MED12L: variants seen among roughly 807,000 people sequenced by gnomAD.
MED12L encodes the protein mediator of RNA polymerase II transcription subunit 12-like protein.
MED12L carries 60 observed loss-of-function variants against 281.3 expected under a neutral mutation model. That is an observed-to-expected ratio of 0.21 (90% CI 0.17 to 0.26). MED12L has a LOEUF of 0.26. MED12L is among the 10% of genes least tolerant of loss of function. The pLI is 1.00. For synonymous variants in MED12L, 974 were observed against 987.2 expected (o/e 0.99, Z 0.25); for missense variants, 2,146 against 2,680.9 (o/e 0.80, Z 4.41).
chr3:151,322,588 C>T (rs940388286), intron 16 of MED12L, among the ~76,000 whole-genome samples: 1 of 152,064 alleles, frequency 6.6e-6, no homozygotes, highest in African/African-American at 2.4e-5. Flanking sequence ...CTGGAGCTCA[C>T]CCCACTTCCA....
intron 16 of MED12L, chr3:151,327,258 G>A (rs184346302): frequency 6.2e-4 from 94 of 152,310 alleles, no homozygotes; most frequent in African/African-American, 2.2e-3. Context: ...TGCTGAGTAG[G>A]TGCCATGTTT....
chr3:151,395,829 A>G (rs1221720784), intron 39 of MED12L, among the ~76,000 whole-genome samples: 1 of 152,234 alleles, frequency 6.6e-6, no homozygotes, highest in East Asian at 1.9e-4. Flanking sequence ...AAGAAATTCA[A>G]ATGCTTTAAA....
chr3:151,275,827 G>C (rs1256863317), intron 16 of MED12L, among the ~76,000 whole-genome samples: 1 of 152,110 alleles, frequency 6.6e-6, no homozygotes, highest in Admixed American at 6.6e-5. Context: ...CATTAAGATA[G>C]GATATTTTTA....
chr3:151,392,467 G>GA (rs200781609), intron 38 of MED12L, among the ~76,000 whole-genome samples: 16,503 of 95,060 alleles, frequency 0.17, 1,367 homozygotes, highest in Middle Eastern at 0.3. Context: ...TCCATCTCAA[G>GA]AAAAAAAAAA....
intron 21 of MED12L, among the ~76,000 whole-genome samples, chr3:151,364,456 T>C (rs1447978697): frequency 6.6e-6 from 1 of 152,204 alleles, no homozygotes; most frequent in East Asian, 1.9e-4. Flanking sequence ...TGTAAGTTCA[T>C]TGAAGACAAG....
intron 16 of MED12L, among the ~76,000 whole-genome samples, chr3:151,246,166 A>C (rs1735411220): frequency 6.6e-6 from 1 of 152,252 alleles, no homozygotes; most frequent in Non-Finnish European, 1.5e-5. Context: ...GGGTAGGAAG[A>C]ATAAATATCG....
intron 16 of MED12L, among the ~76,000 whole-genome samples, chr3:151,233,625 C>T (rs572830995): frequency 5.9e-5 from 9 of 152,080 alleles, no homozygotes; most frequent in Non-Finnish European, 1.0e-4. Flanking sequence ...CCCAGCTACT[C>T]GGGAGGCTGA....
At position 151,156,322 on chromosome 3, in the gene MED12L, A is replaced by G; in HGVS notation, c.718A>G (p.Met240Val). ...WEYNEKLAFH[M>V]FQEGMLEKHE... ...ATACAACGAAAAGCTAGCATTTCAC[A>G]TGTTCCAGGTAACCTTTTGAAGACA... Residue 240 changes from methionine (M) to valine (V), a missense_variant, in exon 6 of 45, where the codon ATG (methionine) becomes GTG (valine). Transcript: ENST00000687756. The G allele has an allele frequency of 6.2e-7, 1 of 1,605,184 alleles. No individual in the cohort carries two copies. The highest frequency in any genetic ancestry group is 1.1e-5 in the South Asian group (1 of 89,190).
chr3:151,247,313 C>T (rs1354802194), intron 16 of MED12L, among the ~76,000 whole-genome samples: 2 of 151,990 alleles, frequency 1.3e-5, no homozygotes, highest in Admixed American at 6.6e-5. Flanking sequence ...CACATGCACA[C>T]GTATGTTTAT....
intron 16 of MED12L, among the ~76,000 whole-genome samples, chr3:151,256,475 G>A (rs1346034835): frequency 6.6e-6 from 1 of 152,180 alleles, no homozygotes; most frequent in Non-Finnish European, 1.5e-5. Context: ...GTCCCACCCT[G>A]TCTCCACAGG....
At chr3:151,099,357 T>C (rs944442965) in intron 2 of MED12L, among the ~76,000 whole-genome samples, 1 of 152,204 alleles carries the variant, frequency 6.6e-6, no homozygotes, top group Non-Finnish European at 1.5e-5. Context: ...AGGTTACATC[T>C]CTCAATAATT....
At chr3:151,196,618 A>G (rs1174635401) in intron 16 of MED12L, among the ~76,000 whole-genome samples, 2 of 152,214 alleles carry the variant, frequency 1.3e-5, no homozygotes, top group Non-Finnish European at 2.9e-5. Flanking sequence ...ACCAGCAAAC[A>G]CAGGTTCTAG....
At chr3:151,232,923 AT>A (rs1053117557) in intron 16 of MED12L, among the ~76,000 whole-genome samples, 9 of 152,100 alleles carry the variant, frequency 5.9e-5, no homozygotes, top group Admixed American at 5.2e-4. Flanking sequence ...TTGAAACTAA[AT>A]TTTTTTTAAT....
chr3:151,194,364 G>A (rs1724376967), intron 16 of MED12L, among the ~76,000 whole-genome samples: 1 of 152,102 alleles, frequency 6.6e-6, no homozygotes, highest in South Asian at 2.1e-4. Context: ...TGAGGCATAG[G>A]AAAGACGGGA....
chr3:151,143,257 A>C (rs1389934786), intron 5 of MED12L, among the ~76,000 whole-genome samples: 1 of 152,138 alleles, frequency 6.6e-6, no homozygotes, highest in Non-Finnish European at 1.5e-5. Flanking sequence ...TTTGTGTTCT[A>C]ATGAAAGACT....
At chr3:151,188,508 G>A (rs1233869760) in intron 13 of MED12L, 28 bp downstream of exon 13, 1 of 1,556,280 alleles carries the variant, frequency 6.4e-7, no homozygotes, top group Non-Finnish European at 8.7e-7. Context: ...TTTGCCTCTA[G>A]ATCTTAAATA....
intron 42 of MED12L, among the ~76,000 whole-genome samples, chr3:151,415,091 C>G (rs962740253): frequency 1.3e-5 from 2 of 152,072 alleles, no homozygotes; most frequent in East Asian, 1.9e-4. Context: ...GGAAAGTTAC[C>G]ACATTATTTG....
At chr3:151,212,080 A>G (rs925714394) in intron 16 of MED12L, 2 of 152,224 alleles carry the variant, frequency 1.3e-5, no homozygotes, top group African/African-American at 4.8e-5. Context: ...AAATCTGGTA[A>G]TGTTTCCTCA....
At chr3:151,108,842 T>A (rs943473248) in intron 2 of MED12L, among the ~76,000 whole-genome samples, 4 of 152,178 alleles carry the variant, frequency 2.6e-5, no homozygotes, top group African/African-American at 7.2e-5. Flanking sequence ...CATTGAAAAT[T>A]GTGTTAAACT....
Sources: gnomAD v4.1 joint callset for allele counts (sites outside exome capture counted in the v4.1 genomes callset) on GRCh38, gnomAD v4.1.1 for gene constraint, MANE v1.5 for transcripts, NCBI Gene and HGNC (gene_info 2026-07-23, HGNC 2026-07-21) for gene names.